KCTD16: variants seen among roughly 807,000 people sequenced by gnomAD.
KCTD16 encodes BTB/POZ domain-containing protein KCTD16.
In KCTD16, 13 loss-of-function variants were observed where a neutral mutation model predicts 33.2. The ratio of observed to expected loss-of-function variants is 0.39; its 90% CI spans 0.25 to 0.62. The LOEUF is 0.62. Ranked by LOEUF, KCTD16 falls within the 20% of genes least tolerant of loss-of-function variation. The pLI is 0.50. For missense variants in KCTD16, 441 were observed against 525.1 expected (o/e 0.84, Z 1.57); for synonymous variants, 197 against 195.3 (o/e 1.01, Z -0.07).
chr5:144,339,878 G>C (rs534236941), intron 3 of KCTD16, among the ~76,000 whole-genome samples: 1 of 152,310 alleles, frequency 6.6e-6, no homozygotes, highest in East Asian at 1.9e-4. Flanking sequence ...GGCTGCAATG[G>C]ACATATCCTG....
chr5:144,370,753 A>G (rs751830498), intron 3 of KCTD16, among the ~76,000 whole-genome samples: 1 of 152,156 alleles, frequency 6.6e-6, no homozygotes, highest in Non-Finnish European at 1.5e-5. Flanking sequence ...TGAGCTGGCT[A>G]ATGACCTGTA....
intron 3 of KCTD16, among the ~76,000 whole-genome samples, chr5:144,348,993 C>T (rs989944710): frequency 1.3e-5 from 2 of 152,040 alleles, no homozygotes; most frequent in African/African-American, 4.8e-5. Flanking sequence ...TAGGTGAGGG[C>T]TTCTCAGTTT....
intron 3 of KCTD16, among the ~76,000 whole-genome samples, chr5:144,343,271 ATTCAGAGATTCAACTTC>A (rs1282798886): frequency 6.6e-6 from 1 of 152,132 alleles, no homozygotes; most frequent in African/African-American, 2.4e-5. Context: ...TTATTGGTCT[ATTCAGAGATTCAACTTC>A]TTCCTGGTTT....
chr5:144,181,077 C>T lies in KCTD16; in HGVS notation c.-327+6605C>T, dbSNP rs371489958. Among the ~76,000 whole-genome samples the T allele has an allele frequency of 5.8e-3, 880 of 152,088 alleles. 8 individuals carry two copies. Among genetic ancestry groups the T allele is most frequent in the African/African-American group, 0.02 (823 of 41,508 alleles). On this transcript the variant is annotated intron_variant, in intron 2 of 3. Transcript: ENST00000512467. ...CCTCCCGAGTAGCTGGGACTACAGG[C>T]GCCCACCACCACGCCCGGCTAATTT...
chr5:144,249,231 G>C (rs955565488), intron 3 of KCTD16, among the ~76,000 whole-genome samples: 8 of 151,990 alleles, frequency 5.3e-5, no homozygotes, highest in African/African-American at 1.7e-4. Flanking sequence ...CGTGTTCTCC[G>C]TTTCTGTAAT....
chr5:144,296,766 A>G (rs918602313), intron 3 of KCTD16, among the ~76,000 whole-genome samples: 2 of 152,178 alleles, frequency 1.3e-5, no homozygotes, highest in African/African-American at 4.8e-5. Flanking sequence ...GTTAAAAAAA[A>G]ATAGGCTAAA....
intron 3 of KCTD16, among the ~76,000 whole-genome samples, chr5:144,441,857 CAAA>C (rs762797316): frequency 9.5e-6 from 1 of 105,064 alleles, no homozygotes; most frequent in Admixed American, 1.0e-4. Context: ...ACAATTTCTG[CAAA>C]AAAAAAAAAA....
At chr5:144,464,093 C>T (rs115713934) in intron 3 of KCTD16, among the ~76,000 whole-genome samples, 133 of 152,262 alleles carry the variant, frequency 8.7e-4, no homozygotes, top group African/African-American at 3.0e-3. Flanking sequence ...GAAATGACAG[C>T]TCAATTTCCT....
At chr5:144,331,217 C>T (rs894238126) in intron 3 of KCTD16, among the ~76,000 whole-genome samples, 19 of 152,150 alleles carry the variant, frequency 1.2e-4, no homozygotes, top group African/African-American at 4.1e-4. Context: ...TTACTTGAGG[C>T]ACTGACTATG....
intron 3 of KCTD16, among the ~76,000 whole-genome samples, chr5:144,256,622 T>G (rs1195267716): frequency 1.3e-5 from 2 of 151,896 alleles, no homozygotes; most frequent in Non-Finnish European, 2.9e-5. Flanking sequence ...TTTTTGTTTT[T>G]TTTTTTTTAA....
intron 2 of KCTD16, among the ~76,000 whole-genome samples, chr5:144,177,897 C>G (rs1008483566): frequency 3.9e-5 from 6 of 152,080 alleles, no homozygotes; most frequent in Non-Finnish European, 8.8e-5. Context: ...CACACATGCT[C>G]GAAAGAACAA....
At chr5:144,337,875 A>T (rs1752529672) in intron 3 of KCTD16, among the ~76,000 whole-genome samples, 2 of 152,152 alleles carry the variant, frequency 1.3e-5, no homozygotes, top group Admixed American at 1.3e-4. Context: ...CTTGCCACTT[A>T]CTGTGTAGCT....
rs1232483649 is a variant in KCTD16 at position 144,475,121 on chromosome 5, C to T, written c.*1007C>T. 2.0e-5 allele frequency: 3 copies of T among 152,216 alleles called. No homozygotes were observed. Among genetic ancestry groups the T allele is most frequent in the Admixed American group, 1.3e-4 (2 of 15,288 alleles). 9.4% of individuals were successfully genotyped at this position (152,216 alleles called of 1,614,324 possible). The stretch of plus-strand genomic sequence containing the variant: ...TGGTGTGGCCTTTCCACATAATCCA[C>T]ATTAAGTTCTGTGTTCCTGTGTTGT... On this transcript the variant is annotated 3_prime_UTR_variant, in exon 4 of 4. Transcript: ENST00000512467.
At chr5:144,312,637 A>T (rs956201321) in intron 3 of KCTD16, among the ~76,000 whole-genome samples, 2 of 152,212 alleles carry the variant, frequency 1.3e-5, no homozygotes, top group African/African-American at 4.8e-5. Flanking sequence ...ATAAAAAAGG[A>T]GAAGAGGAAA....
intron 2 of KCTD16, among the ~76,000 whole-genome samples, chr5:144,198,600 G>A (rs1365421099): frequency 6.6e-6 from 1 of 152,124 alleles, no homozygotes; most frequent in Admixed American, 6.5e-5. Flanking sequence ...TGTGAAAAAC[G>A]CCTTCTACAA....
At chr5:144,365,665 T>C (rs1330344642) in intron 3 of KCTD16, among the ~76,000 whole-genome samples, 1 of 152,210 alleles carries the variant, frequency 6.6e-6, no homozygotes, top group Non-Finnish European at 1.5e-5. Flanking sequence ...GGGATGTGAA[T>C]AGCAATTAGA....
intron 3 of KCTD16, among the ~76,000 whole-genome samples, chr5:144,435,461 C>A (rs1238139425): frequency 6.6e-6 from 1 of 152,100 alleles, no homozygotes; most frequent in Non-Finnish European, 1.5e-5. Flanking sequence ...CTACCTCATT[C>A]TTTTTCAAAG....
intron 1 of KCTD16, 65 bp from the exon 2 acceptor site, chr5:144,174,241 AT>A (rs1390956699): frequency 6.6e-6 from 1 of 152,118 alleles, no homozygotes; most frequent in Non-Finnish European, 1.5e-5. Context: ...AAACAACTCC[AT>A]TTTCTTAGTA....
chr5:144,391,696 T>C lies in KCTD16; in HGVS notation c.833-81964T>C, dbSNP rs144718018. On this transcript the variant is annotated intron_variant, in intron 3 of 3. Transcript: ENST00000512467. Reference sequence around the variant, plus strand: ...TATACCCTGACGTACCTACAATGAATTTGAAGGACCATTTGCAATAATGGA... The same window carrying C: ...TATACCCTGACGTACCTACAATGAACTTGAAGGACCATTTGCAATAATGGA... Among the ~76,000 whole-genome samples the C allele has an allele frequency of 1.9e-3, 295 of 152,300 alleles. 3 individuals are homozygous for C. The highest frequency in any genetic ancestry group is 6.9e-3 in the African/African-American group (286 of 41,570).
Sources: gnomAD v4.1 joint callset for allele counts (sites outside exome capture counted in the v4.1 genomes callset) on GRCh38, gnomAD v4.1.1 for gene constraint, MANE v1.5 for transcripts, NCBI Gene and HGNC (gene_info 2026-07-23, HGNC 2026-07-21) for gene names.